Variants in ATP10B observed in about 807,000 individuals in gnomAD.
ATP10B encodes phospholipid-transporting ATPase VB.
In ATP10B, 122 loss-of-function variants were observed where a neutral mutation model predicts 141.2. The ratio of observed to expected loss-of-function variants is 0.86; its 90% CI spans 0.75 to 1.00. The LOEUF (loss-of-function observed/expected upper bound fraction) is 1.00, where lower values mean the gene tolerates loss of function less well. Ranked by LOEUF, ATP10B falls within the 50% of genes least tolerant of loss-of-function variation. ATP10B has a pLI of 0.00. For synonymous variants in ATP10B, 685 were observed against 692.0 expected, an observed-to-expected ratio of 0.99 and a Z score of 0.16; for missense variants, 1,876 against 1,825.3, an observed-to-expected ratio of 1.03 and a Z score of -0.51.
rs545084057 is a variant in ATP10B at position 160,846,472 on chromosome 5, A to C, written c.-576+5469T>G. Among the ~76,000 whole-genome samples the C allele has an allele frequency of 2.0e-5, 3 of 152,264 alleles. No individual in the cohort carries two copies. In the South Asian group the frequency reaches 6.2e-4, roughly 32 times the overall value. Reference sequence around the variant, plus strand: ...AAAAGACCAATCCCATTATTTTACAAATGGGAGAATTAAGACCTAGAGTTC... The same window carrying C: ...AAAAGACCAATCCCATTATTTTACACATGGGAGAATTAAGACCTAGAGTTC... On this transcript the variant is annotated intron_variant, in intron 1 of 25. Coordinates refer to ENST00000327245, the MANE Select transcript of ATP10B (RefSeq NM_025153.3).
At chr5:160,814,052 C>T (rs559315716) in intron 1 of ATP10B, among the ~76,000 whole-genome samples, 7 of 152,200 alleles carry the variant, frequency 4.6e-5, no homozygotes, top group Admixed American at 3.3e-4. Context: ...GCAGAAAAAC[C>T]AGAAACTCTA....
chr5:160,605,119 G>A lies in ATP10B; in HGVS notation c.3161-1078C>T, dbSNP rs146724298. On this transcript the variant is annotated intron_variant, in intron 19 of 25. Coordinates refer to ENST00000327245, the MANE Select transcript of ATP10B (RefSeq NM_025153.3). ...GGATTCAGCCTGCAGGCCATAGTTT[G>A]CCAACCCTTGTTCTTGTAGACTATG... 4.0e-3 allele frequency among the ~76,000 whole-genome samples: 608 copies of A among 152,278 alleles called. 1 individual carries two copies. Among genetic ancestry groups the A allele is most frequent in the African/African-American group, 0.014 (573 of 41,554 alleles).
At chr5:160,789,960 A>C (rs1366847547) in intron 1 of ATP10B, among the ~76,000 whole-genome samples, 1 of 152,178 alleles carries the variant, frequency 6.6e-6, no homozygotes, top group African/African-American at 2.4e-5. Context: ...GATTGGGTGT[A>C]AAGAAAACAA....
At chr5:160,684,535 A>G (rs1763631300) in intron 6 of ATP10B, among the ~76,000 whole-genome samples, 1 of 152,196 alleles carries the variant, frequency 6.6e-6, no homozygotes, top group Non-Finnish European at 1.5e-5. Context: ...AAATGTGCTC[A>G]TGGCCACACT....
chr5:160,735,435 CAGG>C (rs1030323312), intron 2 of ATP10B, among the ~76,000 whole-genome samples: 2 of 151,906 alleles, frequency 1.3e-5, no homozygotes, highest in African/African-American at 4.8e-5. Flanking sequence ...GTCAATTTAG[CAGG>C]AGGATATAAC....
At chr5:160,600,401 C>T (rs1300790436) in intron 21 of ATP10B, among the ~76,000 whole-genome samples, 1 of 152,200 alleles carries the variant, frequency 6.6e-6, no homozygotes, top group Non-Finnish European at 1.5e-5. Flanking sequence ...TTTCTAGACA[C>T]ATACAGCCTG....
At chr5:160,794,295 A>T (rs552690457) in intron 1 of ATP10B, among the ~76,000 whole-genome samples, 1 of 152,282 alleles carries the variant, frequency 6.6e-6, no homozygotes, top group East Asian at 1.9e-4. Flanking sequence ...TCTGTCCTGC[A>T]TCCCCTGTTT....
intron 2 of ATP10B, among the ~76,000 whole-genome samples, chr5:160,736,675 G>A (rs956361999): frequency 2.6e-5 from 4 of 152,122 alleles, no homozygotes; most frequent in Non-Finnish European, 5.9e-5. Context: ...CAGAAGAATC[G>A]CTTGAACCTG....
chr5:160,841,415 C>T (rs559576194), intron 1 of ATP10B, among the ~76,000 whole-genome samples: 1 of 152,116 alleles, frequency 6.6e-6, no homozygotes, highest in Non-Finnish European at 1.5e-5. Flanking sequence ...AAGTCAATGA[C>T]AAGAACAACA....
At chr5:160,767,168 T>G (rs925596871) in intron 2 of ATP10B, among the ~76,000 whole-genome samples, 21 of 152,164 alleles carry the variant, frequency 1.4e-4, no homozygotes, top group Middle Eastern at 3.2e-3. Context: ...GTTAATACAT[T>G]TGTGTTGGGC....
At chr5:160,655,094 G>T (rs1182427586) in intron 7 of ATP10B, among the ~76,000 whole-genome samples, 1 of 152,024 alleles carries the variant, frequency 6.6e-6, no homozygotes, top group Non-Finnish European at 1.5e-5. Flanking sequence ...TCCTCTGAAG[G>T]ACTTAATGAA....
At chr5:160,715,099 C>T (rs1311404730) in intron 3 of ATP10B, among the ~76,000 whole-genome samples, 1 of 147,310 alleles carries the variant, frequency 6.8e-6, no homozygotes, top group Non-Finnish European at 1.5e-5. Flanking sequence ...AGAGGTGGAG[C>T]CTACAGAGGC....
At chr5:160,747,447 A>C (rs1767880180) in intron 2 of ATP10B, among the ~76,000 whole-genome samples, 1 of 152,208 alleles carries the variant, frequency 6.6e-6, no homozygotes, top group Non-Finnish European at 1.5e-5. Flanking sequence ...AGAAATAGGG[A>C]CTTTGCAGAT....
chr5:160,717,023 A>G lies in ATP10B; in HGVS notation c.-319T>C. ...AGCTGGGCAAATTGTTGATCAGAAT[A>G]AATTGCAAGTTCTGTAAGCAAGAAA... On this transcript the variant is annotated 5_prime_UTR_variant, in exon 3 of 26. Transcript: ENST00000327245. 1.0e-6 allele frequency: 1 copy of G among 985,464 alleles called. No homozygotes were observed. The highest frequency in any genetic ancestry group is 1.1e-4 in the East Asian group (1 of 8,820). The allele number at this position is 985,464 out of a possible 1,614,324, so 61.0% of individuals were successfully genotyped here. A position where few individuals can be genotyped will look rare whatever the true frequency, so the allele number is the denominator to read the frequency against.
At chr5:160,598,562 A>G (rs1185839514) in intron 22 of ATP10B, among the ~76,000 whole-genome samples, 10 of 152,068 alleles carry the variant, frequency 6.6e-5, no homozygotes, top group Non-Finnish European at 1.5e-4. Flanking sequence ...AATTAAAAAT[A>G]CCCACTAGTC....
In ATP10B at chr5:160,751,187, G is replaced by A. The variant is rs534182100; in HGVS notation, c.-330-34153C>T. 8.5e-5 allele frequency among the ~76,000 whole-genome samples: 13 copies of A among 152,272 alleles called. No individual in the cohort carries two copies. The South Asian group carries it at 2.7e-3, about 32-fold the overall frequency. On this transcript the variant is annotated intron_variant, in intron 2 of 25. Transcript: ENST00000327245. ...AGTGGACACTCAATACATATTTATT[G>A]CTTTCCTTTCCTCCTCTCTCTGTTT... is the stretch of plus-strand genomic sequence containing the variant.
intron 7 of ATP10B, among the ~76,000 whole-genome samples, chr5:160,662,891 T>C (rs1474315601): frequency 1.3e-5 from 2 of 152,200 alleles, no homozygotes; most frequent in Non-Finnish European, 2.9e-5. Context: ...TTTTGCAATC[T>C]ACCCATCTGA....
intron 13 of ATP10B, among the ~76,000 whole-genome samples, chr5:160,625,973 C>T (rs550890211): frequency 6.6e-6 from 1 of 152,320 alleles, no homozygotes; most frequent in African/African-American, 2.4e-5. Flanking sequence ...CTGCAGGTGC[C>T]AGGAACAGAT....
chr5:160,824,563 A>G (rs982271547), intron 1 of ATP10B, among the ~76,000 whole-genome samples: 43 of 152,178 alleles, frequency 2.8e-4, no homozygotes, highest in African/African-American at 9.7e-4. Context: ...GTGAACTTGT[A>G]CAAACCTAGA....
Sources: gnomAD v4.1 joint callset for allele counts (sites outside exome capture counted in the v4.1 genomes callset) on GRCh38, gnomAD v4.1.1 for gene constraint, MANE v1.5 for transcripts, NCBI Gene and HGNC (gene_info 2026-07-23, HGNC 2026-07-21) for gene names.